ZNF217: variants seen among roughly 807,000 people sequenced by gnomAD.
ZNF217 encodes zinc finger protein 217.
ZNF217 carries 12 observed loss-of-function variants against 73.3 expected under a neutral mutation model. The ratio of observed to expected loss-of-function variants is 0.16; its 90% CI spans 0.10 to 0.27. The LOEUF (loss-of-function observed/expected upper bound fraction) is 0.27. Ranked by LOEUF, ZNF217 falls within the 10% of genes least tolerant of loss-of-function variation. ZNF217 has a pLI of 1.00. For missense variants in ZNF217, 1,195 were observed against 1,327.8 expected, an observed-to-expected ratio of 0.90 and a Z score of 1.55; for synonymous variants, 588 against 516.4, an observed-to-expected ratio of 1.14 and a Z score of -1.88.
upstream of ZNF217, among the ~76,000 whole-genome samples, chr20:53,595,270 A>G (rs1363706902): frequency 6.6e-6 from 1 of 152,228 alleles, no homozygotes; most frequent in East Asian, 1.9e-4. Context: ...ACTAATGCAA[A>G]TGTGAAATGG....
Position 53,569,039 on chromosome 20 carries a change from C to T in ZNF217, c.*249G>A. The T allele has an allele frequency of 1.0e-6, 1 of 961,058 alleles. No individual in the cohort carries two copies. Among genetic ancestry groups the T allele is most frequent in the Non-Finnish European group, 1.3e-6 (1 of 772,362 alleles). The allele number at this position is 961,058 out of a possible 1,614,324, so 59.5% of individuals were successfully genotyped here. On this transcript the variant is annotated 3_prime_UTR_variant, in exon 6 of 6. Transcript: ENST00000371471. The stretch of plus-strand genomic sequence containing the variant: ...TATTCAGGGACAAAATAGAGATTTC[C>T]AGTCCCCATGTATGTAAGTTCCAAC...
Position 53,585,222 on chromosome 20 carries a change from T to G in ZNF217, c.-342-2054A>C, listed in dbSNP as rs544794298. 5.7e-4 allele frequency among the ~76,000 whole-genome samples: 87 copies of G among 151,526 alleles called. 1 individual carries two copies. The highest frequency in any genetic ancestry group is 2.1e-3 in the African/African-American group (85 of 41,346). On this transcript the variant is annotated intron_variant, in intron 1 of 5. Coordinates refer to ENST00000371471, the MANE Select transcript of ZNF217 (RefSeq NM_006526.3). ...GGGGAACTCCACTTCTCTACTGACA[T>G]CCTTTAGAAAAAGAGACACCAGCTC... is the stretch of plus-strand genomic sequence containing the variant.
chr20:53,592,880 T>C (rs1988931306), intron 1 of ZNF217, among the ~76,000 whole-genome samples: 1 of 151,840 alleles, frequency 6.6e-6, no homozygotes, highest in Non-Finnish European at 1.5e-5. Context: ...AGCAGCACTT[T>C]TGGGCTAGCA....
intron 1 of ZNF217, among the ~76,000 whole-genome samples, chr20:53,583,748 T>C (rs1988595159): frequency 2.0e-5 from 3 of 152,248 alleles, no homozygotes; most frequent in Admixed American, 1.3e-4. Flanking sequence ...AAAATCCCCA[T>C]TCAAGAAATA....
upstream of ZNF217, among the ~76,000 whole-genome samples, chr20:53,595,869 A>G (rs1989032989): frequency 6.6e-6 from 1 of 152,228 alleles, no homozygotes; most frequent in African/African-American, 2.4e-5. Context: ...GCTACACAAC[A>G]AAGAAACTAT....
intron 1 of ZNF217, among the ~76,000 whole-genome samples, chr20:53,590,898 G>A (rs1421969074): frequency 2.0e-5 from 3 of 152,118 alleles, no homozygotes; most frequent in African/African-American, 7.2e-5. Context: ...TCCAAAACAA[G>A]TCCACTGGAA....
chr20:53,571,699 T>C (rs1350923415), intron 5 of ZNF217, 22 bp downstream of exon 5: 13 of 1,603,452 alleles, frequency 8.1e-6, no homozygotes, highest in African/African-American at 2.7e-5. Context: ...ATCCAGTGTT[T>C]TTAATTGAAA....
At chr20:53,589,509 G>A (rs1201470415) in intron 1 of ZNF217, among the ~76,000 whole-genome samples, 2 of 152,256 alleles carry the variant, frequency 1.3e-5, no homozygotes, top group African/African-American at 4.8e-5. Context: ...CAGCTGGCTA[G>A]CGGGGGCTTC....
At chr20:53,570,286 G>C (rs1313125288) in intron 5 of ZNF217, 1 of 152,728 alleles carries the variant, frequency 6.5e-6, no homozygotes, top group African/African-American at 2.4e-5. Context: ...AAAGACTGCA[G>C]AACCACACAA....
At chr20:53,571,650 G>T in intron 5 of ZNF217, 71 bp downstream of exon 5, 1 of 1,506,840 alleles carries the variant, frequency 6.6e-7, no homozygotes, top group Admixed American at 2.3e-5. Context: ...CAGGTGATCC[G>T]CCCGCCCTGA....
intron 5 of ZNF217, among the ~76,000 whole-genome samples, chr20:53,569,571 G>A (rs1319705092): frequency 1.3e-5 from 2 of 152,062 alleles, no homozygotes; most frequent in African/African-American, 4.8e-5. Context: ...TTTTAGTAGA[G>A]AAGGGTTTCA....
At chr20:53,580,852 C>T (rs1988454581) in intron 2 of ZNF217, among the ~76,000 whole-genome samples, 1 of 152,196 alleles carries the variant, frequency 6.6e-6, no homozygotes, top group South Asian at 2.1e-4. Flanking sequence ...TCATCACTCC[C>T]AGTACCTTTT....
intron 1 of ZNF217, among the ~76,000 whole-genome samples, chr20:53,583,791 C>A (rs1988596289): frequency 6.6e-6 from 1 of 152,236 alleles, no homozygotes; most frequent in African/African-American, 2.4e-5. Context: ...TCATCTTGGC[C>A]AGGGGAACCC....
At chr20:53,573,798 T>C (rs1344830107) in intron 4 of ZNF217, among the ~76,000 whole-genome samples, 3 of 152,174 alleles carry the variant, frequency 2.0e-5, no homozygotes, top group Admixed American at 1.3e-4. Flanking sequence ...CTGCTGGGCA[T>C]GGTGGCTCAT....
rs770498906 is a variant in ZNF217 at position 53,575,986 on chromosome 20, G to A, written c.2778C>T (p.Ala926=). 30 of 1,614,058 alleles carry A rather than the reference G, an allele frequency of 1.9e-5. No individual in the cohort carries two copies. The East Asian group carries it at 6.7e-4, about 36-fold the overall frequency. ...LPKRLKSSVV[A]LDVDQPGANY... Reference sequence around the variant, plus strand: ...TGGCCCCGGGCTGGTCAACGTCAAGGGCAACCACGCTGGACTTCAGTCTTT... The same window carrying A: ...TGGCCCCGGGCTGGTCAACGTCAAGAGCAACCACGCTGGACTTCAGTCTTT... The change falls in exon 4 of 6, where the codon GCC becomes GCT. Residue 926 remains alanine, a synonymous_variant. Coordinates refer to ENST00000371471, the MANE Select transcript of ZNF217 (RefSeq NM_006526.3).
At chr20:53,595,046 C>CA (rs55752265), upstream of ZNF217, among the ~76,000 whole-genome samples, 60,494 of 105,108 alleles carry the variant, frequency 0.58, 17,515 homozygotes, top group Non-Finnish European at 0.64. Context: ...AAAAAAGGGA[C>CA]AAAAAAAAAA....
At chr20:53,580,258 A>G (rs1988436723) in intron 2 of ZNF217, among the ~76,000 whole-genome samples, 1 of 152,210 alleles carries the variant, frequency 6.6e-6, no homozygotes, top group Non-Finnish European at 1.5e-5. Context: ...GAAGAGTCCA[A>G]TCAATCGTGT....
At chr20:53,595,504 G>T (rs1454153427), upstream of ZNF217, among the ~76,000 whole-genome samples, 2 of 152,190 alleles carry the variant, frequency 1.3e-5, no homozygotes, top group Non-Finnish European at 2.9e-5. Flanking sequence ...CAGCAAAGGG[G>T]AAGAATTTGC....
chr20:53,589,929 T>C (rs1600730425), intron 1 of ZNF217, among the ~76,000 whole-genome samples: 1 of 135,420 alleles, frequency 7.4e-6, no homozygotes, highest in African/African-American at 2.7e-5. Flanking sequence ...AGAAGAGGTG[T>C]GCGGATCAAG....
Sources: allele counts gnomAD v4.1 joint callset (sites outside exome capture counted in the v4.1 genomes callset), GRCh38; gene constraint gnomAD v4.1.1; transcripts MANE v1.5; gene names NCBI Gene and HGNC (gene_info 2026-07-23, HGNC 2026-07-21).